TRIT1: variants seen among roughly 807,000 people sequenced by gnomAD.
The protein encoded by TRIT1 is tRNA isopentenyltransferase 1.
In TRIT1, 43 loss-of-function variants were observed where a neutral mutation model predicts 51.2. That is an observed-to-expected ratio of 0.84 (90% CI 0.66 to 1.08). TRIT1 has a LOEUF of 1.08. TRIT1 is among the 50% of genes least tolerant of loss of function. The pLI is 0.00. For missense variants in TRIT1, 528 were observed against 578.4 expected (o/e 0.91, Z 0.89); for synonymous variants, 184 against 203.9 (o/e 0.90, Z 0.83).
intron 1 of TRIT1, among the ~76,000 whole-genome samples, chr1:39,865,671 CAAAAAAAA>C (rs142393332): frequency 5.9e-5 from 4 of 68,326 alleles, no homozygotes; most frequent in African/African-American, 2.0e-4. Flanking sequence ...TCTGTCTCTA[CAAAAAAAA>C]AAAAAAAAAA....
At chr1:39,854,205 C>A (rs753105746) in intron 2 of TRIT1, 137 bp from the exon 3 acceptor site, 6 of 621,410 alleles carry the variant, frequency 9.7e-6, no homozygotes, top group Non-Finnish European at 1.7e-5. Flanking sequence ...TGATACCAGC[C>A]CTCAGTGTTT....
intron 1 of TRIT1, among the ~76,000 whole-genome samples, chr1:39,864,050 C>G (rs1557563794): frequency 6.6e-6 from 1 of 152,098 alleles, no homozygotes; most frequent in East Asian, 2.0e-4. Context: ...TGCCACCACG[C>G]CTGGCTAGTG....
intron 2 of TRIT1, among the ~76,000 whole-genome samples, chr1:39,854,558 A>T (rs1173542135): frequency 6.6e-6 from 1 of 152,204 alleles, no homozygotes; most frequent in Non-Finnish European, 1.5e-5. Context: ...TGACCAAATT[A>T]AGTGAGATGC....
At chr1:39,856,535 T>A (rs1642914998) in intron 2 of TRIT1, among the ~76,000 whole-genome samples, 1 of 151,526 alleles carries the variant, frequency 6.6e-6, no homozygotes, top group Non-Finnish European at 1.5e-5. Flanking sequence ...TGAATCTATA[T>A]CTGGGTTTTC....
rs1396986809 is a variant in TRIT1 at position 39,857,302 on chromosome 1, T to G, written c.290A>C (p.Asp97Ala). Residue 97 changes from aspartate to alanine, a missense_variant, in exon 2 of 11, where the codon GAC becomes GCC. Asp to Ala is a moderately radical substitution (Grantham distance 126, BLOSUM62 -2). Around this residue, in one of 3 missense-constraint regions of TRIT1, gnomAD observed 468 missense variants for 522.6 expected, o/e 0.90. Transcript: ENST00000316891. ...CAGAGCAGTTGCTCTATTTCTGAAG[T>G]CCACCACTGTGTAATTGGTCACAAG... ...DPLVTNYTVV[D>A]FRNRATALIE... The G allele has an allele frequency of 1.9e-6, 3 of 1,612,982 alleles. No individual in the cohort carries two copies. In the African/African-American group the frequency reaches 4.0e-5, roughly 22 times the overall value.
At chr1:39,848,881 A>C (rs1642394185) in intron 5 of TRIT1, among the ~76,000 whole-genome samples, 1 of 151,782 alleles carries the variant, frequency 6.6e-6, no homozygotes, top group African/African-American at 2.4e-5. Context: ...GCAAAGGAGC[A>C]AAGAGTGAGA....
rs188835035 is a variant in TRIT1, at chr1:39,868,259, C to T, written c.175-10842G>A. On this transcript the variant is annotated intron_variant, in intron 1 of 10. Coordinates refer to ENST00000316891, the MANE Select transcript of TRIT1 (RefSeq NM_017646.6). ...TAGAACTTTTGCTCTGTGAAAGATA[C>T]TGTGAAGAGAATGAAAAAATAAGCC... Among the ~76,000 whole-genome samples the T allele has an allele frequency of 2.8e-3, 431 of 152,176 alleles. 1 individual carries two copies. Among genetic ancestry groups the T allele is most frequent in the African/African-American group, 0.01 (419 of 41,538 alleles).
chr1:39,861,360 AAACAAC>A (rs372719679), intron 1 of TRIT1, among the ~76,000 whole-genome samples: 109 of 152,278 alleles, frequency 7.2e-4, no homozygotes, highest in African/African-American at 2.5e-3. Flanking sequence ...TAGAACTTAA[AAACAAC>A]AACAACAACA....
chr1:39,866,576 AAT>A (rs1330294898), intron 1 of TRIT1, among the ~76,000 whole-genome samples: 4 of 152,188 alleles, frequency 2.6e-5, no homozygotes, highest in Non-Finnish European at 4.4e-5. Flanking sequence ...GGTTAGGACT[AAT>A]AAGTTTGCTG....
At chr1:39,879,382 C>G (rs1420189577) in intron 1 of TRIT1, among the ~76,000 whole-genome samples, 1 of 152,134 alleles carries the variant, frequency 6.6e-6, no homozygotes, top group African/African-American at 2.4e-5. Flanking sequence ...CAGACACTTT[C>G]ATGTTCAGAC....
At chr1:39,843,246 T>C (rs1974206) in intron 10 of TRIT1, among the ~76,000 whole-genome samples, 28,181 of 152,096 alleles carry the variant, frequency 0.19, 2,673 homozygotes, top group East Asian at 0.3. Flanking sequence ...TCTCTGAGAA[T>C]CCCATGCAAA....
intron 1 of TRIT1, among the ~76,000 whole-genome samples, chr1:39,880,523 AG>A (rs1285221268): frequency 3.3e-5 from 5 of 152,112 alleles, no homozygotes; most frequent in African/African-American, 9.7e-5. Context: ...AAGTTGGGCC[AG>A]GCGCAGTGGC....
chr1:39,879,787 C>A (rs1232091874), intron 1 of TRIT1, among the ~76,000 whole-genome samples: 1 of 147,330 alleles, frequency 6.8e-6, no homozygotes, highest in Non-Finnish European at 1.5e-5. Context: ...GCAGGAGAAT[C>A]ACTTAACCTG....
At chr1:39,861,923 C>CA (rs60007826) in intron 1 of TRIT1, among the ~76,000 whole-genome samples, 5,956 of 67,946 alleles carry the variant, frequency 0.088, 173 homozygotes, top group Middle Eastern at 0.16. Context: ...GGCTCTGTCT[C>CA]AAAAAAAAAA....
intron 1 of TRIT1, among the ~76,000 whole-genome samples, chr1:39,868,337 C>A (rs1643664921): frequency 1.3e-5 from 2 of 151,854 alleles, no homozygotes; most frequent in Admixed American, 6.6e-5. Flanking sequence ...GGATTTATAC[C>A]CAGGATATAT....
intron 3 of TRIT1, among the ~76,000 whole-genome samples, chr1:39,853,340 C>T (rs1418444328): frequency 6.9e-6 from 1 of 145,842 alleles, no homozygotes; most frequent in Admixed American, 7.0e-5. Flanking sequence ...GGCTAACGTA[C>T]TGGGTTTTTT....
chr1:39,882,824 C>A (rs1244783254), intron 1 of TRIT1, among the ~76,000 whole-genome samples: 1 of 152,156 alleles, frequency 6.6e-6, no homozygotes, highest in African/African-American at 2.4e-5. Flanking sequence ...AGATTCAGGA[C>A]TAGAATCCAG....
chr1:39,847,372 C>T (rs1642292300), intron 7 of TRIT1, 75 bp from the exon 8 acceptor site: 2 of 1,527,874 alleles, frequency 1.3e-6, no homozygotes, highest in Admixed American at 3.5e-5. Context: ...CCTCCCAGCC[C>T]AGCAGGAAAA....
intron 10 of TRIT1, among the ~76,000 whole-genome samples, chr1:39,843,328 C>T (rs994501026): frequency 2.0e-5 from 3 of 152,134 alleles, no homozygotes; most frequent in Non-Finnish European, 2.9e-5. Context: ...AAGCAGCAAA[C>T]CTTACACCTA....
Sources: allele counts gnomAD v4.1 joint callset (sites outside exome capture counted in the v4.1 genomes callset), GRCh38; gene constraint gnomAD v4.1.1; regional missense constraint gnomAD v4.1.1; transcripts MANE v1.5; gene names NCBI Gene and HGNC (gene_info 2026-07-23, HGNC 2026-07-21).